The following FAM184A variants were observed in gnomAD, a reference collection of about 807,000 sequenced individuals.
FAM184A encodes the protein family with sequence similarity 184 member A.
A neutral mutation model predicts 143.8 loss-of-function variants in FAM184A; 99 were observed. That is an observed-to-expected ratio of 0.69 (90% CI 0.58 to 0.81). The LOEUF is 0.81. FAM184A is among the 40% of genes least tolerant of loss of function. The pLI, the probability that FAM184A is intolerant of heterozygous loss-of-function variation, is 0.00. For missense variants in FAM184A, 1,217 were observed against 1,310.5 expected, an observed-to-expected ratio of 0.93 and a Z score of 1.10; for synonymous variants, 427 against 446.4, an observed-to-expected ratio of 0.96 and a Z score of 0.55.
intron 1 of FAM184A, among the ~76,000 whole-genome samples, chr6:119,102,829 A>G (rs1371829310): frequency 6.6e-6 from 1 of 151,338 alleles, no homozygotes; most frequent in Admixed American, 6.6e-5. Context: ...AGAAAAGAAA[A>G]TATCACTAAA....
intron 1 of FAM184A, among the ~76,000 whole-genome samples, chr6:119,037,815 T>G (rs1034096653): frequency 3.9e-5 from 6 of 152,102 alleles, no homozygotes; most frequent in Admixed American, 6.5e-5. Context: ...GAAAATGAAG[T>G]CAAAAACTAC....
chr6:119,120,154 C>A (rs1412923262), intron 1 of FAM184A, among the ~76,000 whole-genome samples: 3 of 152,198 alleles, frequency 2.0e-5, no homozygotes, highest in African/African-American at 7.2e-5. Flanking sequence ...AACCCTGCAC[C>A]CATTTGCTGT....
intron 14 of FAM184A, among the ~76,000 whole-genome samples, chr6:118,969,295 A>C (rs536001448): frequency 2.6e-5 from 4 of 152,340 alleles, no homozygotes; most frequent in African/African-American, 7.2e-5. Context: ...TAGCAGCGTG[A>C]GAACGGACTA....
intron 14 of FAM184A, among the ~76,000 whole-genome samples, chr6:118,970,008 A>ATATATATATATATATATATTTTTTTTTT: frequency 4.2e-4 from 8 of 19,034 alleles, no homozygotes; most frequent in Admixed American, 7.6e-4. Flanking sequence ...ATATATATAT[A>ATATATATATATATATATATTTTTTTTTT]TTTTTTTTTT....
intron 14 of FAM184A, among the ~76,000 whole-genome samples, chr6:118,969,686 T>G (rs1783611640): frequency 6.6e-6 from 1 of 151,922 alleles, no homozygotes; most frequent in South Asian, 2.1e-4. Flanking sequence ...CTTTAAGCTC[T>G]GGGATACATG....
chr6:119,142,194 A>G (rs577229489), intron 1 of FAM184A, among the ~76,000 whole-genome samples: 3 of 152,240 alleles, frequency 2.0e-5, no homozygotes, highest in East Asian at 1.9e-4. Flanking sequence ...TGAAGACAAT[A>G]TATCAGCTAG....
intron 1 of FAM184A, among the ~76,000 whole-genome samples, chr6:119,097,382 T>G (rs1788534199): frequency 6.6e-6 from 1 of 152,186 alleles, no homozygotes; most frequent in African/African-American, 2.4e-5. Flanking sequence ...CACAAACACA[T>G]GCTTGTAAAG....
At chr6:119,067,389 G>A (rs1787496522) in intron 1 of FAM184A, among the ~76,000 whole-genome samples, 2 of 152,322 alleles carry the variant, frequency 1.3e-5, no homozygotes, top group South Asian at 4.1e-4. Flanking sequence ...TAAGAAAACA[G>A]CAGATGCAAA....
chr6:119,092,598 A>G (rs1788400017), intron 1 of FAM184A, among the ~76,000 whole-genome samples: 1 of 152,172 alleles, frequency 6.6e-6, no homozygotes, highest in African/African-American at 2.4e-5. Context: ...CCCTGTTATT[A>G]GTGTCACCTC....
rs747503351 is a variant in FAM184A at position 119,016,932 on chromosome 6, C to T, written c.1345G>A (p.Ala449Thr). The change falls in exon 5 of 18, where the codon GCA becomes ACA. Residue 449 changes from alanine (A) to threonine (T), a missense_variant. By Grantham distance (58) the Ala-to-Thr change is moderately conservative (BLOSUM62 0). Transcript: ENST00000338891. ...TAATATTCTTGCTGAGTTCTCTTTG[C>T]TTCATTTACTTTCTAAAATTAAAAC... ...ILELEKKVNE[A>T]KRTQQEYYER... 3.1e-5 allele frequency: 49 copies of T among 1,599,540 alleles called. No homozygotes were observed. The highest frequency in any genetic ancestry group is 3.9e-5 in the Non-Finnish European group (46 of 1,174,296).
At chr6:119,120,873 GGT>G (rs1311314787) in intron 1 of FAM184A, among the ~76,000 whole-genome samples, 5 of 142,002 alleles carry the variant, frequency 3.5e-5, no homozygotes, top group Non-Finnish European at 6.0e-5. Flanking sequence ...TAGGAGACAG[GGT>G]CTTGTTCTGT....
At chr6:119,037,459 C>A (rs952520366) in intron 1 of FAM184A, among the ~76,000 whole-genome samples, 31 of 152,264 alleles carry the variant, frequency 2.0e-4, no homozygotes, top group Middle Eastern at 3.4e-3. Context: ...TGCCACTACA[C>A]CTGGCTTTGA....
At chr6:119,058,101 C>T (rs1319380312) in intron 1 of FAM184A, 1 of 151,296 alleles carries the variant, frequency 6.6e-6, no homozygotes, top group Non-Finnish European at 1.5e-5. Flanking sequence ...CACAATATTT[C>T]CCATCCCACA....
chr6:119,102,905 G>A (rs1788683169), intron 1 of FAM184A, among the ~76,000 whole-genome samples: 1 of 151,616 alleles, frequency 6.6e-6, no homozygotes, highest in African/African-American at 2.4e-5. Context: ...GCTACAAAGA[G>A]CATATAGTAG....
At chr6:119,055,193 C>T (rs1786917958) in intron 1 of FAM184A, among the ~76,000 whole-genome samples, 3 of 152,128 alleles carry the variant, frequency 2.0e-5, no homozygotes, top group Admixed American at 6.5e-5. Context: ...ATAATGTTTT[C>T]AAGATTAATC....
chr6:119,064,208 C>G (rs1787359199), intron 1 of FAM184A, among the ~76,000 whole-genome samples: 1 of 152,180 alleles, frequency 6.6e-6, no homozygotes, highest in East Asian at 1.9e-4. Flanking sequence ...CTTCCTTACA[C>G]AGTAACTAAT....
At chr6:118,993,577 A>C (rs1420548700) in intron 9 of FAM184A, among the ~76,000 whole-genome samples, 1 of 152,188 alleles carries the variant, frequency 6.6e-6, no homozygotes, top group Non-Finnish European at 1.5e-5. Flanking sequence ...GGCACAGGGT[A>C]AATGATTAAC....
rs1785571641 is a variant in FAM184A at position 119,024,777 on chromosome 6, C to G, written c.196G>C (p.Glu66Gln). ...TCTTTGAGGGCTTGAATTGCAGATT[C>G]ATGCTCATCATTTTTAGTGTTTAAA... ...YALNTKNDEHESAIQALKDAH... is the reference protein window; with the variant it reads ...YALNTKNDEHQSAIQALKDAH... Residue 66 changes from glutamate (E) to glutamine (Q), a missense_variant, in exon 2 of 18, where the codon GAA becomes CAA. Coordinates refer to ENST00000338891, the MANE Select transcript of FAM184A (RefSeq NM_024581.6). 6.2e-7 allele frequency: 1 copy of G among 1,610,792 alleles called. No homozygotes were observed. The highest frequency in any genetic ancestry group is 1.1e-5 in the South Asian group (1 of 90,606).
intron 8 of FAM184A, 69 bp downstream of exon 8, chr6:119,003,432 T>C: frequency 2.1e-6 from 3 of 1,448,676 alleles, no homozygotes; most frequent in Non-Finnish European, 2.8e-6. Context: ...AATAGGATAA[T>C]GTGAGTCATA....
Sources: allele counts gnomAD v4.1 joint callset (sites outside exome capture counted in the v4.1 genomes callset), GRCh38; gene constraint gnomAD v4.1.1; transcripts MANE v1.5; gene names NCBI Gene and HGNC (gene_info 2026-07-23, HGNC 2026-07-21).